Variants in CDKN2C observed in about 807,000 individuals in gnomAD.
CDKN2C encodes cyclin-dependent kinase 4 inhibitor C.
In CDKN2C, 5 loss-of-function variants were observed where a neutral mutation model predicts 11.0. The ratio of observed to expected loss-of-function variants is 0.45; its 90% CI spans 0.24 to 0.95. CDKN2C has a LOEUF of 0.95. CDKN2C is among the 40% of genes least tolerant of loss of function. The probability of loss-of-function intolerance (pLI) is 0.21; values close to 1 mark genes in which losing one functional copy is unlikely to be tolerated. For missense variants in CDKN2C, 161 were observed against 211.9 expected (o/e 0.76, Z 1.49); for synonymous variants, 79 against 88.3 (o/e 0.89, Z 0.59).
intron 1 of CDKN2C, among the ~76,000 whole-genome samples, chr1:50,973,176 T>G (rs967223777): frequency 4.2e-4 from 64 of 152,346 alleles, no homozygotes; most frequent in African/African-American, 1.5e-3. Context: ...TAATCAGTAC[T>G]GTTTTGTAAC....
At chr1:50,967,561 G>A (rs1224357121), upstream of CDKN2C, among the ~76,000 whole-genome samples, 2 of 152,308 alleles carry the variant, frequency 1.3e-5, no homozygotes, top group East Asian at 3.9e-4. Context: ...TTGAGGATCC[G>A]CTTGCCAAAG....
intron 1 of CDKN2C, among the ~76,000 whole-genome samples, chr1:50,971,239 A>G (rs867824805): frequency 2.0e-5 from 3 of 152,230 alleles, no homozygotes; most frequent in Non-Finnish European, 2.9e-5. Context: ...TCTGAATGTT[A>G]TCATGTAACT....
At chr1:50,973,578 C>A (rs542029272) in intron 1 of CDKN2C, among the ~76,000 whole-genome samples, 1 of 152,332 alleles carries the variant, frequency 6.6e-6, no homozygotes, top group Admixed American at 6.5e-5. Context: ...CACAACTCTT[C>A]ATGGAACATA....
intron 1 of CDKN2C, among the ~76,000 whole-genome samples, chr1:50,964,909 C>G (rs1645340046): frequency 6.6e-6 from 1 of 151,914 alleles, no homozygotes; most frequent in African/African-American, 2.4e-5. Flanking sequence ...CAAAAATTAG[C>G]CGGGCGTGGT....
At chr1:50,968,216 A>AG (rs34097850), upstream of CDKN2C, 153,362 of 153,362 alleles carry the variant, frequency 1, 76,681 homozygotes, top group Non-Finnish European at 1. Context: ...CAGCAGCCGC[A>AG]GCCTGGCCGC....
upstream of CDKN2C, among the ~76,000 whole-genome samples, chr1:50,965,495 CAA>C (rs143889380): frequency 7.0e-6 from 1 of 143,690 alleles, no homozygotes; most frequent in Non-Finnish European, 1.5e-5. Context: ...GACTCTGTCT[CAA>C]AAAAAAAAGA....
chr1:50,973,109 T>A (rs773835920), intron 1 of CDKN2C, among the ~76,000 whole-genome samples: 8 of 152,190 alleles, frequency 5.3e-5, no homozygotes, highest in Non-Finnish European at 1.2e-4. Context: ...GAACTTAGTT[T>A]TATATAAATT....
At chr1:50,972,888 A>C (rs1369860422) in intron 1 of CDKN2C, among the ~76,000 whole-genome samples, 1 of 152,166 alleles carries the variant, frequency 6.6e-6, no homozygotes, top group Non-Finnish European at 1.5e-5. Context: ...TCACCAGTTG[A>C]TTATTAAATG....
At chr1:50,964,408 T>G (rs1177560665) in intron 1 of CDKN2C, among the ~76,000 whole-genome samples, 1 of 152,236 alleles carries the variant, frequency 6.6e-6, no homozygotes, top group Non-Finnish European at 1.5e-5. Context: ...CCTTGTTACA[T>G]CATATCAAGG....
intron 1 of CDKN2C, among the ~76,000 whole-genome samples, chr1:50,961,942 G>A (rs1374120745): frequency 6.6e-6 from 1 of 152,274 alleles, no homozygotes; most frequent in Non-Finnish European, 1.5e-5. Context: ...TATGATCTGA[G>A]TTTATTCTGT....
Position 50,974,275 on chromosome 1 carries a change from G to C in CDKN2C, c.*5G>C. The C allele has an allele frequency of 6.5e-7, 1 of 1,542,938 alleles. No homozygotes were observed. The highest frequency in any genetic ancestry group is 8.7e-7 in the Non-Finnish European group (1 of 1,146,282). The stretch of plus-strand genomic sequence containing the variant: ...GGAGCCACAAATCTTCAATAAACGT[G>C]GGGAGGGCTCCCCCACGTTGCCTCT... On this transcript the variant is annotated 3_prime_UTR_variant, in exon 2 of 2. Transcript: ENST00000371761.
At position 50,970,318 on chromosome 1, in the gene CDKN2C, A is replaced by G. The variant is rs748486906; in HGVS notation, c.-51A>G. 8 of 1,610,204 alleles carry G rather than the reference A, an allele frequency of 5.0e-6. No individual in the cohort carries two copies. Among genetic ancestry groups the G allele is most frequent in the Non-Finnish European group, 5.9e-6 (7 of 1,179,052 alleles). On this transcript the variant is annotated 5_prime_UTR_variant, in exon 1 of 2. Transcript: ENST00000371761. ...CCTGGTTAGGAGCAAAGGAAAGGGG[A>G]AAAAGAAAAACGACTAATTCATCTT...
In CDKN2C at chr1:50,974,181, GC is replaced by G; in HGVS notation, c.420del (p.Cys141ValfsTer15). The G allele has an allele frequency of 6.2e-7, 1 of 1,613,164 alleles. No individual in the cohort carries two copies. The highest frequency in any genetic ancestry group is 1.3e-5 in the African/African-American group (1 of 75,010). On this transcript the variant is annotated frameshift_variant, in exon 2 of 2. Coordinates refer to ENST00000371761, the MANE Select transcript of CDKN2C (RefSeq NM_078626.3). LOFTEE classifies it high-confidence loss of function. ...GCATCGGAACCATAAGGGGGACACCGCCTGTGATTTGGCCAGGCTCTATGGG... is the reference window on the plus strand; with the variant it reads ...GCATCGGAACCATAAGGGGGACACCGCTGTGATTTGGCCAGGCTCTATGGG... ...VGHRNHKGDT[A>X]CDLARLYGRN...
intron 1 of CDKN2C, among the ~76,000 whole-genome samples, chr1:50,962,957 T>TAA (rs1348460111): frequency 1.3e-5 from 2 of 152,268 alleles, no homozygotes; most frequent in African/African-American, 4.8e-5. Flanking sequence ...TCTCTGGTTC[T>TAA]ATTTCTTTAT....
At chr1:50,965,798 A>G (rs976056250), upstream of CDKN2C, among the ~76,000 whole-genome samples, 1 of 152,166 alleles carries the variant, frequency 6.6e-6, no homozygotes, top group Non-Finnish European at 1.5e-5. Flanking sequence ...CAGAAATAAA[A>G]TGCTGAAGCT....
At chr1:50,973,143 CTG>C (rs1365789494) in intron 1 of CDKN2C, among the ~76,000 whole-genome samples, 3 of 152,124 alleles carry the variant, frequency 2.0e-5, no homozygotes, top group Admixed American at 1.3e-4. Flanking sequence ...ATTTAGAACA[CTG>C]TGGCTTATTT....
At chr1:50,961,557 T>A (rs963581179) in intron 1 of CDKN2C, among the ~76,000 whole-genome samples, 1 of 152,240 alleles carries the variant, frequency 6.6e-6, no homozygotes, top group Non-Finnish European at 1.5e-5. Context: ...TCATGGGGCA[T>A]TTACTTGCTT....
chr1:50,966,336 C>A (rs1249134403), upstream of CDKN2C, among the ~76,000 whole-genome samples: 1 of 152,132 alleles, frequency 6.6e-6, no homozygotes, highest in Non-Finnish European at 1.5e-5. Flanking sequence ...AGCCACTGCG[C>A]CCGGCCACTT....
chr1:50,971,081 G>C (rs1645377090), intron 1 of CDKN2C, among the ~76,000 whole-genome samples: 1 of 152,208 alleles, frequency 6.6e-6, no homozygotes, highest in South Asian at 2.1e-4. Context: ...GGAATAAAAA[G>C]TTGAATTTTC....
Sources: allele counts gnomAD v4.1 joint callset (sites outside exome capture counted in the v4.1 genomes callset), GRCh38; gene constraint gnomAD v4.1.1; transcripts MANE v1.5; gene names NCBI Gene and HGNC (gene_info 2026-07-23, HGNC 2026-07-21).